The following SPON1 variants were observed in gnomAD, a reference collection of about 807,000 sequenced individuals.
SPON1 encodes the protein spondin 1, also known as spondin-1.
SPON1 carries 52 observed loss-of-function variants against 111.7 expected under a neutral mutation model. The observed-to-expected ratio is 0.47, with a 90% CI of 0.37 to 0.59. The LOEUF is 0.59. Ranked by LOEUF, SPON1 falls within the 20% of genes least tolerant of loss-of-function variation. The probability of loss-of-function intolerance (pLI) is 0.00; values close to 1 mark genes in which losing one functional copy is unlikely to be tolerated. For synonymous variants in SPON1, 410 were observed against 395.8 expected (o/e 1.04, Z -0.43); for missense variants, 957 against 1,068.5 (o/e 0.90, Z 1.46).
intron 6 of SPON1, among the ~76,000 whole-genome samples, chr11:14,217,769 A>G (rs1848640936): frequency 2.0e-5 from 3 of 152,238 alleles, no homozygotes; most frequent in Admixed American, 2.0e-4. Context: ...AAAAATAATA[A>G]CAATTCCTGT....
At chr11:14,035,484 G>A (rs1411381700) in intron 2 of SPON1, among the ~76,000 whole-genome samples, 1 of 152,032 alleles carries the variant, frequency 6.6e-6, no homozygotes, top group Non-Finnish European at 1.5e-5. Flanking sequence ...TAACCATCTA[G>A]GGAAACAAAG....
intron 1 of SPON1, among the ~76,000 whole-genome samples, chr11:13,963,702 G>A (rs1348354907): frequency 6.6e-6 from 1 of 152,138 alleles, no homozygotes; most frequent in African/African-American, 2.4e-5. Flanking sequence ...CGGGGTGCGG[G>A]AAGGAGGGGC....
At position 14,135,503 on chromosome 11, in the gene SPON1, G is replaced by A. The variant is rs560608780; in HGVS notation, c.760G>A (p.Glu254Lys). 42 of 1,613,954 alleles carry A rather than the reference G, an allele frequency of 2.6e-5. No individual in the cohort carries two copies. The highest frequency in any genetic ancestry group is 3.3e-4 in the Middle Eastern group (2 of 6,062). ...VLWEYGGYAS[E>K]GVKQVAELGS... ...GTGGGAATATGGAGGATATGCCAGC[G>A]AAGGCGTCAAACAAGTTGCAGAATT... Residue 254 changes from glutamate to lysine, a missense_variant, in exon 6 of 16, where the codon GAA (glutamate) becomes AAA (lysine). Glu to Lys is a moderately conservative substitution (Grantham distance 56). Coordinates refer to ENST00000576479, the MANE Select transcript of SPON1 (RefSeq NM_006108.4). The surrounding 1 kb of genome is among the most constrained non-coding windows in gnomAD (Gnocchi z 4.4).
At chr11:14,134,783 C>T (rs1564912488) in intron 5 of SPON1, among the ~76,000 whole-genome samples, 1 of 152,304 alleles carries the variant, frequency 6.6e-6, no homozygotes, top group East Asian at 1.9e-4. Context: ...CACTCCTCTG[C>T]CAGAACCCTT....
At chr11:14,143,473 G>T (rs991535179) in intron 6 of SPON1, among the ~76,000 whole-genome samples, 2 of 151,780 alleles carry the variant, frequency 1.3e-5, no homozygotes, top group Admixed American at 1.3e-4. Context: ...GAGGTGGAAG[G>T]ATCACTTGGC....
chr11:14,048,231 C>T (rs568850872), intron 3 of SPON1, among the ~76,000 whole-genome samples: 1 of 142,208 alleles, frequency 7.0e-6, no homozygotes, highest in African/African-American at 2.5e-5. Flanking sequence ...AAGAGTGAAA[C>T]CTCATCTCAA....
At position 14,097,455 on chromosome 11, in the gene SPON1, G is replaced by A. The variant is rs151250532; in HGVS notation, c.676+17434G>A. Among the ~76,000 whole-genome samples the A allele has an allele frequency of 2.6e-5, 4 of 152,130 alleles. No individual in the cohort carries two copies. The East Asian group carries it at 5.8e-4, about 22-fold the overall frequency. ...ATTCCTAGAATTATTTTATGTTTTG[G>A]TTATTATGAATGAGATTTCCAGTTT... On this transcript the variant is annotated intron_variant, in intron 5 of 15. Transcript: ENST00000576479.
intron 6 of SPON1, among the ~76,000 whole-genome samples, chr11:14,178,248 C>T (rs999597724): frequency 3.3e-5 from 5 of 151,992 alleles, no homozygotes; most frequent in Non-Finnish European, 7.4e-5. Flanking sequence ...TGGTGAAACC[C>T]CATCTCTACT....
intron 6 of SPON1, among the ~76,000 whole-genome samples, chr11:14,201,752 T>G (rs957122489): frequency 1.3e-5 from 2 of 152,170 alleles, no homozygotes; most frequent in Non-Finnish European, 2.9e-5. Context: ...CACATAAGTA[T>G]TTAATGTATG....
chr11:14,033,559 T>C (rs1848573858), intron 2 of SPON1, among the ~76,000 whole-genome samples: 1 of 152,046 alleles, frequency 6.6e-6, no homozygotes, highest in South Asian at 2.1e-4. Context: ...AGCCCATAAA[T>C]AGGCTGAGGG....
chr11:14,234,482 G>A (rs1029539489), intron 6 of SPON1, among the ~76,000 whole-genome samples: 1 of 152,202 alleles, frequency 6.6e-6, no homozygotes, highest in Non-Finnish European at 1.5e-5. Flanking sequence ...GCAGACTTGT[G>A]TGAGCACTAA....
At chr11:14,025,259 C>G (rs1554915198) in intron 2 of SPON1, among the ~76,000 whole-genome samples, 1 of 152,246 alleles carries the variant, frequency 6.6e-6, no homozygotes, top group Non-Finnish European at 1.5e-5. Context: ...GGCAGTCCAC[C>G]TAGTTTGCCT....
chr11:14,166,401 C>G (rs1207238814), intron 6 of SPON1, among the ~76,000 whole-genome samples: 2 of 152,130 alleles, frequency 1.3e-5, no homozygotes, highest in Non-Finnish European at 2.9e-5. Flanking sequence ...GCAAATAGCT[C>G]TAAAGAAATT....
Position 14,254,673 on chromosome 11 carries a change from G to A in SPON1, c.1036G>A (p.Val346Met). The change falls in exon 8 of 16, where the codon GTG (valine) becomes ATG (methionine). Residue 346 changes from valine (V) to methionine (M), a missense_variant. Transcript: ENST00000576479. The part of the protein sequence containing the change: ...CTKECGWVQK[V>M]VQDLIPWDAG... ...CAAGGAATGTGGCTGGGTCCAGAAG[G>A]TGGTGCAAGACCTGATTCCCTGGGA... 1 of 1,614,032 alleles carries A rather than the reference G, an allele frequency of 6.2e-7. No individual in the cohort carries two copies. Among genetic ancestry groups the A allele is most frequent in the Non-Finnish European group, 8.5e-7 (1 of 1,179,896 alleles).
chr11:14,061,691 G>A (rs1276173623), intron 3 of SPON1, among the ~76,000 whole-genome samples: 10 of 152,158 alleles, frequency 6.6e-5, no homozygotes, highest in African/African-American at 2.2e-4. Context: ...CAAAATTAAC[G>A]TGATTAAATA....
chr11:13,985,952 G>C (rs1372934715), intron 2 of SPON1, among the ~76,000 whole-genome samples: 4 of 152,148 alleles, frequency 2.6e-5, no homozygotes, highest in African/African-American at 9.7e-5. Context: ...TACTTCACCT[G>C]CTCCTGTGAT....
At chr11:14,075,125 T>C (rs1848906850) in intron 3 of SPON1, among the ~76,000 whole-genome samples, 1 of 152,184 alleles carries the variant, frequency 6.6e-6, no homozygotes, top group African/African-American at 2.4e-5. Context: ...GAGTGGTTTC[T>C]AGGTATGTGT....
intron 6 of SPON1, among the ~76,000 whole-genome samples, chr11:14,214,967 A>G (rs1429166739): frequency 6.6e-6 from 1 of 152,200 alleles, no homozygotes; most frequent in African/African-American, 2.4e-5. Flanking sequence ...GAGATAGGTA[A>G]TTCCAAGGTT....
chr11:14,070,138 A>G (rs1848864010), intron 3 of SPON1, among the ~76,000 whole-genome samples: 1 of 152,214 alleles, frequency 6.6e-6, no homozygotes, highest in African/African-American at 2.4e-5. Context: ...AGTGACTTCA[A>G]TATTTGATTC....
Sources: gnomAD v4.1 joint callset for allele counts (sites outside exome capture counted in the v4.1 genomes callset) on GRCh38, gnomAD v4.1.1 for gene constraint, Gnocchi (gnomAD v3.1) non-coding constraint, MANE v1.5 for transcripts, NCBI Gene and HGNC (gene_info 2026-07-23, HGNC 2026-07-21) for gene names.